LMTK2: variants seen among roughly 807,000 people sequenced by gnomAD.
LMTK2 encodes the protein serine/threonine-protein kinase LMTK2.
In LMTK2, 37 loss-of-function variants were observed where a neutral mutation model predicts 127.5. The observed-to-expected ratio is 0.29, with a 90% confidence interval of 0.22 to 0.38. The LOEUF is 0.38. LMTK2 is among the 10% of genes least tolerant of loss of function. LMTK2 has a pLI of 1.00. For synonymous variants in LMTK2, 819 were observed against 810.1 expected (o/e 1.01, Z -0.19); for missense variants, 1,694 against 1,920.3 (o/e 0.88, Z 2.20).
chr7:98,146,056 T>G (rs1796768713), intron 3 of LMTK2, among the ~76,000 whole-genome samples: 1 of 152,192 alleles, frequency 6.6e-6, no homozygotes, highest in African/African-American at 2.4e-5. Flanking sequence ...TAACAGTGTT[T>G]GAGAGACTGT....
intron 1 of LMTK2, among the ~76,000 whole-genome samples, chr7:98,127,426 G>A (rs866568598): frequency 5.9e-5 from 9 of 152,136 alleles, no homozygotes; most frequent in African/African-American, 1.9e-4. Context: ...AGTTTTCTTT[G>A]TCTAACCTTT....
At position 98,193,785 on chromosome 7, in the gene LMTK2, C is replaced by G; in HGVS notation, c.3320C>G (p.Ser1107Ter). ...TCATACCGAGACTCTGCGTACTTCT[C>G]AGACAATGACTCTGAGCCCGAGAAA... ...QGSYRDSAYF[S>*]DNDSEPEKRS... Residue 1107 changes from serine (S) to a stop codon, truncating the protein, a stop_gained, in exon 11 of 14, where the codon TCA (serine) becomes TGA (stop). Coordinates refer to ENST00000297293, the MANE Select transcript of LMTK2 (RefSeq NM_014916.4). LOFTEE classifies it high-confidence loss of function. This position sits in a 1 kb window ranked among gnomAD's most constrained non-coding sequence, Gnocchi z 4.1. 6.2e-7 allele frequency: 1 copy of G among 1,614,046 alleles called. No homozygotes were observed. The highest frequency in any genetic ancestry group is 8.5e-7 in the Non-Finnish European group (1 of 1,180,030).
chr7:98,140,917 C>A (rs1259677094), intron 2 of LMTK2, among the ~76,000 whole-genome samples: 1 of 151,288 alleles, frequency 6.6e-6, no homozygotes, highest in Non-Finnish European at 1.5e-5. Flanking sequence ...ATTACCTGGG[C>A]GTGGTGATGC....
At chr7:98,123,059 G>T (rs912523035) in intron 1 of LMTK2, among the ~76,000 whole-genome samples, 4 of 151,790 alleles carry the variant, frequency 2.6e-5, no homozygotes, top group African/African-American at 4.8e-5. Context: ...GTTTTTCAGG[G>T]TTTATCATAA....
At chr7:98,114,022 A>G (rs1317525158) in intron 1 of LMTK2, among the ~76,000 whole-genome samples, 1 of 151,514 alleles carries the variant, frequency 6.6e-6, no homozygotes, top group Non-Finnish European at 1.5e-5. Context: ...AGTGAGCACT[A>G]TTTATGCCAG....
rs1280018704 is a variant in LMTK2 at position 98,206,305 on chromosome 7, C to G, written c.*813C>G. On this transcript the variant is annotated 3_prime_UTR_variant, in exon 14 of 14. Transcript: ENST00000297293. ...GCATTTTTGTCTCTTCTTGATGAAG[C>G]GGCTTTGCCGCAGCAAATGAGGCTT... The G allele has an allele frequency of 1.3e-5, 2 of 152,272 alleles. No homozygotes were observed. The highest frequency in any genetic ancestry group is 4.8e-5 in the African/African-American group (2 of 41,472). The allele number at this position is 152,272 out of a possible 1,614,324, so 9.4% of individuals were successfully genotyped here. A position where few individuals can be genotyped will look rare whatever the true frequency, so the allele number is the denominator to read the frequency against.
chr7:98,176,919 GGTTTT>G (rs1162840905), intron 7 of LMTK2, among the ~76,000 whole-genome samples: 2 of 152,308 alleles, frequency 1.3e-5, no homozygotes, highest in East Asian at 3.9e-4. Flanking sequence ...TGGTAGTGCT[GGTTTT>G]CCCGTCTGTG....
intron 3 of LMTK2, among the ~76,000 whole-genome samples, chr7:98,145,984 A>C (rs1796767677): frequency 6.6e-6 from 1 of 152,182 alleles, no homozygotes; most frequent in Non-Finnish European, 1.5e-5. Flanking sequence ...TAATTGTTTT[A>C]TATGGTGTGA....
At chr7:98,163,775 A>G (rs1797049078) in intron 6 of LMTK2, among the ~76,000 whole-genome samples, 1 of 152,194 alleles carries the variant, frequency 6.6e-6, no homozygotes, top group African/African-American at 2.4e-5. Flanking sequence ...CTGCCCAGAA[A>G]CAGGCCTTTC....
intron 11 of LMTK2, among the ~76,000 whole-genome samples, chr7:98,199,669 A>G (rs897841383): frequency 2.0e-5 from 3 of 152,062 alleles, no homozygotes; most frequent in African/African-American, 7.2e-5. Context: ...TAATTTTTGT[A>G]TTTTTTGTAG....
intron 1 of LMTK2, among the ~76,000 whole-genome samples, chr7:98,133,394 T>C (rs1796552621): frequency 6.6e-6 from 1 of 152,132 alleles, no homozygotes; most frequent in African/African-American, 2.4e-5. Context: ...TTATTTGTGG[T>C]TCCTCAAGTC....
chr7:98,141,262 A>C (rs1796694392), intron 2 of LMTK2, 135 bp from the exon 3 acceptor site: 1 of 741,762 alleles, frequency 1.3e-6, no homozygotes. Context: ...ACAAAATTAC[A>C]TATGCTTTTT....
At chr7:98,174,641 T>C (rs1163861499) in intron 7 of LMTK2, among the ~76,000 whole-genome samples, 2 of 152,216 alleles carry the variant, frequency 1.3e-5, no homozygotes, top group Non-Finnish European at 2.9e-5. Context: ...CTCATGGAGC[T>C]GGAGACCTGG....
At chr7:98,113,275 C>G (rs1796229996) in intron 1 of LMTK2, among the ~76,000 whole-genome samples, 2 of 152,186 alleles carry the variant, frequency 1.3e-5, no homozygotes, top group Admixed American at 1.3e-4. Context: ...TGGCACTTCT[C>G]TCTCCTGCTG....
intron 6 of LMTK2, among the ~76,000 whole-genome samples, chr7:98,167,855 G>C (rs951192198): frequency 2.0e-5 from 3 of 152,198 alleles, no homozygotes; most frequent in Non-Finnish European, 2.9e-5. Context: ...AGAGCCAGTG[G>C]GGGGGCCGAG....
intron 7 of LMTK2, among the ~76,000 whole-genome samples, chr7:98,174,139 C>G (rs1161688445): frequency 6.8e-6 from 1 of 148,146 alleles, no homozygotes; most frequent in Non-Finnish European, 1.5e-5. Flanking sequence ...GTAATCATAT[C>G]TATATTAAAT....
At chr7:98,128,548 T>TA (rs2116343326) in intron 1 of LMTK2, among the ~76,000 whole-genome samples, 1 of 152,370 alleles carries the variant, frequency 6.6e-6, no homozygotes, top group African/African-American at 2.4e-5. Context: ...AGCAAACTGA[T>TA]ACGCGCAGTG....
At chr7:98,170,106 G>A (rs767427311) in intron 6 of LMTK2, among the ~76,000 whole-genome samples, 4 of 152,184 alleles carry the variant, frequency 2.6e-5, no homozygotes, top group Non-Finnish European at 5.9e-5. Context: ...TTGGTAAGCC[G>A]AAAAGTAGAA....
chr7:98,203,449 C>A, intron 11 of LMTK2, 125 bp from the exon 12 acceptor site: 1 of 1,295,094 alleles, frequency 7.7e-7, no homozygotes, highest in Non-Finnish European at 1.0e-6. Flanking sequence ...CCTGGAGCCG[C>A]CCTTGTCTTG....
Sources: gnomAD v4.1 joint callset for allele counts (sites outside exome capture counted in the v4.1 genomes callset) on GRCh38, gnomAD v4.1.1 for gene constraint, Gnocchi (gnomAD v3.1) non-coding constraint, MANE v1.5 for transcripts, NCBI Gene and HGNC (gene_info 2026-07-23, HGNC 2026-07-21) for gene names.